ZBTB17: variants seen among roughly 807,000 people sequenced by gnomAD.
ZBTB17 encodes the protein zinc finger and BTB domain containing 17.
ZBTB17 carries 24 observed loss-of-function variants against 85.1 expected under a neutral mutation model. That is an observed-to-expected ratio of 0.28 (90% confidence interval 0.20 to 0.40). The LOEUF is 0.40. Among genes scored for constraint, ZBTB17 ranks in the 10% least tolerant of loss-of-function variants. The pLI, the probability that ZBTB17 is intolerant of heterozygous loss-of-function variation, is 1.00. For missense variants in ZBTB17, 743 were observed against 1,105.1 expected (o/e 0.67, Z 4.65); for synonymous variants, 464 against 460.2 (o/e 1.01, Z -0.11).
Position 15,948,381 on chromosome 1 carries a change from T to C in ZBTB17, c.115A>G (p.Lys39Glu), listed in dbSNP as rs2071699634. Residue 39 changes from lysine to glutamate, a missense_variant, in exon 3 of 16, where the codon AAA becomes GAA. Physicochemically the swap from Lys to Glu is moderately conservative, Grantham distance 56 (BLOSUM62 1). Coordinates refer to ENST00000375743, the MANE Select transcript of ZBTB17 (RefSeq NM_003443.3). ...VVDGVHFKAH[K>E]AVLAACSEYF... Reference sequence around the variant, plus strand: ...TCGCTGCAGGCCGCCAGCACTGCTTTATGAGCCTTAAAGTGAACACCGTCC... The same window carrying C: ...TCGCTGCAGGCCGCCAGCACTGCTTCATGAGCCTTAAAGTGAACACCGTCC... 1 of 1,613,930 alleles carries C rather than the reference T, an allele frequency of 6.2e-7. No individual in the cohort carries two copies. The highest frequency in any genetic ancestry group is 1.7e-5 in the Admixed American group (1 of 60,006).
chr1:15,950,050 C>T (rs1379965677), intron 2 of ZBTB17, among the ~76,000 whole-genome samples: 2 of 152,258 alleles, frequency 1.3e-5, no homozygotes, highest in South Asian at 4.1e-4. Flanking sequence ...AATGACATTC[C>T]TAAATGGCTG....
At chr1:15,948,048 C>T (rs1034782543) in intron 3 of ZBTB17, 10 of 571,374 alleles carry the variant, frequency 1.8e-5, no homozygotes, top group South Asian at 2.0e-5. Flanking sequence ...GTGTTCACTG[C>T]GGCCTAGAGC....
At chr1:15,971,174 A>G (rs963580956) in intron 2 of ZBTB17, among the ~76,000 whole-genome samples, 1 of 152,046 alleles carries the variant, frequency 6.6e-6, no homozygotes, top group Admixed American at 6.6e-5. Flanking sequence ...TGCACCAAGA[A>G]GCCAATAGAT....
At chr1:15,962,753 T>C (rs1013730049) in intron 2 of ZBTB17, among the ~76,000 whole-genome samples, 1 of 152,138 alleles carries the variant, frequency 6.6e-6, no homozygotes, top group Non-Finnish European at 1.5e-5. Flanking sequence ...CTCTTCCTTA[T>C]ACTAATGAGT....
chr1:15,972,054 C>T (rs1325012332), intron 2 of ZBTB17, among the ~76,000 whole-genome samples: 1 of 152,160 alleles, frequency 6.6e-6, no homozygotes, highest in East Asian at 1.9e-4. Flanking sequence ...CGGTTTGCAA[C>T]ATCTTCACCC....
intron 2 of ZBTB17, chr1:15,969,531 G>A (rs776748369): frequency 4.3e-5 from 15 of 350,454 alleles, no homozygotes; most frequent in Middle Eastern, 9.9e-4. Flanking sequence ...CGAGGCAGTA[G>A]TGTGGGGACT....
intron 2 of ZBTB17, among the ~76,000 whole-genome samples, chr1:15,958,171 G>A (rs1383502876): frequency 2.0e-5 from 3 of 152,198 alleles, no homozygotes; most frequent in Non-Finnish European, 4.4e-5. Context: ...GATAGGAAGT[G>A]TTGCCCAAAT....
At chr1:15,969,084 C>T (rs1035714026) in intron 2 of ZBTB17, among the ~76,000 whole-genome samples, 4 of 152,192 alleles carry the variant, frequency 2.6e-5, no homozygotes, top group Admixed American at 6.5e-5. Flanking sequence ...ACCTAAGCTC[C>T]GCTTCCTGTC....
intron 1 of ZBTB17, among the ~76,000 whole-genome samples, chr1:15,975,730 G>A (rs1345398623): frequency 6.6e-6 from 1 of 152,134 alleles, no homozygotes; most frequent in Non-Finnish European, 1.5e-5. Flanking sequence ...CAGCCCGGGA[G>A]GTGACACGCG....
chr1:15,944,232 AC>A, intron 9 of ZBTB17, 67 bp downstream of exon 9: 2 of 1,535,410 alleles, frequency 1.3e-6, no homozygotes, highest in Non-Finnish European at 1.8e-6. Flanking sequence ...CCGCCCCACC[AC>A]GTGGCATGCA....
chr1:15,952,236 C>T lies in ZBTB17; in HGVS notation c.-2-3739G>A, dbSNP rs936669206. ...TGCAATCGGGCACCTTTTCCCAACA[C>T]CTCTAGTCACTCAGTTTTTCTCCCT... On this transcript the variant is annotated intron_variant, in intron 2 of 15. Coordinates refer to ENST00000375743, the MANE Select transcript of ZBTB17 (RefSeq NM_003443.3). The surrounding 1 kb of genome is among the most constrained non-coding windows in gnomAD (Gnocchi z 4.3). Among the ~76,000 whole-genome samples, 1 of 152,206 alleles carries T rather than the reference C, an allele frequency of 6.6e-6. No homozygotes were observed. The highest frequency in any genetic ancestry group is 1.5e-5 in the Non-Finnish European group (1 of 68,036).
Position 15,973,248 on chromosome 1 carries a change from G to GTGCTTA in ZBTB17, c.-89-124_-89-123insTAAGCA. The GTGCTTA allele has an allele frequency of 6.6e-6, 1 of 152,328 alleles. No individual in the cohort carries two copies. Among genetic ancestry groups the GTGCTTA allele is most frequent in the South Asian group, 2.1e-4 (1 of 4,828 alleles). The allele number at this position is 152,328 out of a possible 1,614,324, so 9.4% of individuals were successfully genotyped here. On this transcript the variant is annotated intron_variant, in intron 1 of 15. Transcript: ENST00000375743. This position sits in a 1 kb window ranked among gnomAD's most constrained non-coding sequence, Gnocchi z 4.1. Reference sequence around the variant, plus strand: ...ATACAGAGTGCTTAGCACAGAGCCTGGCCCAAGGAAGTGCTGAATAAATGG... The same window carrying GTGCTTA: ...ATACAGAGTGCTTAGCACAGAGCCTGTGCTTAGCCCAAGGAAGTGCTGAATAAATGG...
At chr1:15,975,608 G>C (rs1460429422) in intron 1 of ZBTB17, among the ~76,000 whole-genome samples, 1 of 147,016 alleles carries the variant, frequency 6.8e-6, no homozygotes, top group Non-Finnish European at 1.5e-5. Context: ...GAGCTGCCCC[G>C]GCACTGCGCT....
Position 15,943,384 on chromosome 1 carries a change from G to A in ZBTB17, c.1697+15C>T. 1.3e-6 allele frequency: 2 copies of A among 1,586,106 alleles called. No homozygotes were observed. Among genetic ancestry groups the A allele is most frequent in the Non-Finnish European group, 1.7e-6 (2 of 1,164,898 alleles). On this transcript the variant is annotated intron_variant, in intron 12 of 15. Coordinates refer to ENST00000375743, the MANE Select transcript of ZBTB17 (RefSeq NM_003443.3). ...TGGGGTGTCTGGCCAGTGGGTGTGG[G>A]GGAGGGGGCAGGACCTCTTGCCGCA...
At chr1:15,944,009 G>C (rs1277625490) in intron 9 of ZBTB17, 114 bp from the exon 10 acceptor site, 1 of 1,118,122 alleles carries the variant, frequency 8.9e-7, no homozygotes, top group Admixed American at 2.0e-5. Context: ...GGTCCGTGAA[G>C]GGCTCTATCT....
At chr1:15,961,700 G>A (rs985634742) in intron 2 of ZBTB17, among the ~76,000 whole-genome samples, 1 of 152,208 alleles carries the variant, frequency 6.6e-6, no homozygotes, top group African/African-American at 2.4e-5. Context: ...AATCAGCAAA[G>A]CTGCTCCCAC....
At chr1:15,961,184 A>C (rs2072245824) in intron 2 of ZBTB17, among the ~76,000 whole-genome samples, 1 of 152,240 alleles carries the variant, frequency 6.6e-6, no homozygotes, top group African/African-American at 2.4e-5. Context: ...GCTGCCATGC[A>C]TTCGAAGTAT....
rs184297607 is a variant in ZBTB17, at chr1:15,955,771, T to C, written c.-2-7274A>G. On this transcript the variant is annotated intron_variant, in intron 2 of 15. Coordinates refer to ENST00000375743, the MANE Select transcript of ZBTB17 (RefSeq NM_003443.3). ...AAACTTGAGACCAGCCTGGGCAACA[T>C]AGTGAGACCCCATGTCTACAAAATA... Among the ~76,000 whole-genome samples the C allele has an allele frequency of 2.0e-5, 3 of 152,220 alleles. No individual in the cohort carries two copies. In the East Asian group the frequency reaches 5.8e-4, roughly 29 times the overall value.
chr1:15,948,804 A>C (rs1318955645), intron 2 of ZBTB17, among the ~76,000 whole-genome samples: 1 of 152,252 alleles, frequency 6.6e-6, no homozygotes, highest in Admixed American at 6.5e-5. Context: ...AAGCCAAAAA[A>C]GGGAACAAAT....
Sources: gnomAD v4.1 joint callset for allele counts (sites outside exome capture counted in the v4.1 genomes callset) on GRCh38, gnomAD v4.1.1 for gene constraint, Gnocchi (gnomAD v3.1) non-coding constraint, MANE v1.5 for transcripts, NCBI Gene and HGNC (gene_info 2026-07-23, HGNC 2026-07-21) for gene names.